Variants in DNAH17 observed in about 807,000 individuals in gnomAD.
DNAH17 encodes axonemal beta dynein heavy chain 17.
In DNAH17, 376 loss-of-function variants were observed where a neutral mutation model predicts 485.6. The ratio of observed to expected loss-of-function variants is 0.77; its 90% CI spans 0.71 to 0.84. The LOEUF (loss-of-function observed/expected upper bound fraction) is 0.84, where lower values mean the gene tolerates loss of function less well. DNAH17 is among the 40% of genes least tolerant of loss of function. The pLI, the probability that DNAH17 is intolerant of heterozygous loss-of-function variation, is 0.00. For synonymous variants in DNAH17, 3,031 were observed against 2,405.9 expected, an observed-to-expected ratio of 1.26 and a Z score of -7.60; for missense variants, 6,370 against 5,839.3, an observed-to-expected ratio of 1.09 and a Z score of -2.96.
Position 78,527,013 on chromosome 17 carries a change from C to A in DNAH17, c.3508-17G>T. 7 of 1,531,456 alleles carry A rather than the reference C, an allele frequency of 4.6e-6. No individual in the cohort carries two copies. The highest frequency in any genetic ancestry group is 6.2e-6 in the Non-Finnish European group (7 of 1,131,182). The allele number at this position is 1,531,456 out of a possible 1,614,324, so 94.9% of individuals were successfully genotyped here. ...CGGCAGCTCCTGCGGGAAGCAAAGGCAGAGGAGGGCTCCTTTCTCATTTCT... is the reference window on the plus strand; with the variant it reads ...CGGCAGCTCCTGCGGGAAGCAAAGGAAGAGGAGGGCTCCTTTCTCATTTCT... On this transcript the variant is annotated splice_polypyrimidine_tract_variant and intron_variant, in intron 22 of 80. Transcript: ENST00000389840.
chr17:78,472,479 G>A (rs936163534), intron 54 of DNAH17, among the ~76,000 whole-genome samples: 2 of 152,172 alleles, frequency 1.3e-5, no homozygotes, highest in Non-Finnish European at 2.9e-5. Flanking sequence ...AGCTGGCGGG[G>A]AGGCGGGGAC....
At chr17:78,452,568 T>C (rs1598472589) in intron 65 of DNAH17, among the ~76,000 whole-genome samples, 1 of 152,238 alleles carries the variant, frequency 6.6e-6, no homozygotes. Context: ...GGAAACCCCG[T>C]CTCTACTAAA....
At chr17:78,426,664 G>A (rs778187057) in intron 78 of DNAH17, 64 bp from the exon 79 acceptor site, 3 of 1,535,300 alleles carry the variant, frequency 2.0e-6, no homozygotes, top group African/African-American at 2.8e-5. Flanking sequence ...ACCAGCCCCA[G>A]TGCGTGTCAT....
chr17:78,428,714 AAGAGGGCAGTTTGTAAGC>A lies in DNAH17; in HGVS notation c.12406-25_12406-8del. 6.2e-7 allele frequency: 1 copy of A among 1,612,884 alleles called. No homozygotes were observed. Among genetic ancestry groups the A allele is most frequent in the Non-Finnish European group, 8.5e-7 (1 of 1,179,064 alleles). On this transcript the variant is annotated splice_polypyrimidine_tract_variant and splice_region_variant and intron_variant, in intron 76 of 80. Transcript: ENST00000389840. ...CGATGTATTCGTGGTAACCCTGAAAAAGAGGGCAGTTTGTAAGCAGAGGCAAAGCTGTGCAGGCTGAAA... is the reference window on the plus strand; with the variant it reads ...CGATGTATTCGTGGTAACCCTGAAAAAGAGGCAAAGCTGTGCAGGCTGAAA...
At chr17:78,439,248 C>G (rs746614554) in intron 72 of DNAH17, 31 bp from the exon 73 acceptor site, 1 of 1,588,286 alleles carries the variant, frequency 6.3e-7, no homozygotes, top group Non-Finnish European at 8.6e-7. Context: ...AAAAAAACAC[C>G]ACGTAATTAA....
chr17:78,496,288 G>C (rs980366889), intron 37 of DNAH17, among the ~76,000 whole-genome samples: 1 of 152,082 alleles, frequency 6.6e-6, no homozygotes, highest in South Asian at 2.1e-4. Context: ...GAGGCTGGAG[G>C]ATGATTTGAG....
intron 56 of DNAH17, 58 bp downstream of exon 56, chr17:78,466,597 G>C (rs1162962975): frequency 6.0e-6 from 9 of 1,492,286 alleles, no homozygotes; most frequent in Non-Finnish European, 7.2e-6. Context: ...GCCAGCCCTT[G>C]GGCCTGTCCT....
At chr17:78,563,761 G>C (rs1049997867) in intron 11 of DNAH17, among the ~76,000 whole-genome samples, 1 of 137,024 alleles carries the variant, frequency 7.3e-6, no homozygotes, top group African/African-American at 3.1e-5. Flanking sequence ...ACAGGCAGGG[G>C]CTGGAAGGGA....
At chr17:78,440,931 G>T in intron 72 of DNAH17, 120 bp downstream of exon 72, 1 of 1,237,658 alleles carries the variant, frequency 8.1e-7, no homozygotes, top group South Asian at 1.4e-5. Context: ...TCCTACCGGC[G>T]TGAAGCCGCG....
Position 78,502,934 on chromosome 17 carries a change from G to T in DNAH17, c.5034C>A (p.Thr1678=). The T allele has an allele frequency of 6.2e-7, 1 of 1,613,978 alleles. No homozygotes were observed. Among genetic ancestry groups the T allele is most frequent in the South Asian group, 1.1e-5 (1 of 91,070 alleles). ...LRHEIPEAVV[T]YEEKPREQWI... is the part of the protein sequence containing the mutation. The stretch of plus-strand genomic sequence containing the variant: ...ACTGCTCCCTCGGCTTCTCTTCGTA[G>T]GTCACCACGGCCTCTGGGATTTCGT... Residue 1678 remains threonine, a synonymous_variant, in exon 32 of 81, where the codon ACC becomes ACA. Transcript: ENST00000389840.
Position 78,454,686 on chromosome 17 carries a change from T to C in DNAH17, c.10190A>G (p.Asn3397Ser). Residue 3397 changes from asparagine (N) to serine (S), a missense_variant, in exon 64 of 81, where the codon AAT becomes AGT. By Grantham distance (46) the Asn-to-Ser change is conservative (BLOSUM62 1). Transcript: ENST00000389840. ...CAGCAGGCTCAAGGGATCCAGGCCATTCGTGATCGGGATGGGGACCTGCCC... is the reference window on the plus strand; with the variant it reads ...CAGCAGGCTCAAGGGATCCAGGCCACTCGTGATCGGGATGGGGACCTGCCC... ...HNLKVPIPIT[N>S]GLDPLSLLTD... is the part of the protein sequence containing the mutation. The C allele has an allele frequency of 6.2e-7, 1 of 1,612,468 alleles. No homozygotes were observed. The highest frequency in any genetic ancestry group is 8.5e-7 in the Non-Finnish European group (1 of 1,179,814).
chr17:78,516,651 C>T lies in DNAH17; in HGVS notation c.3865-1629G>A, dbSNP rs543487956. ...GTTGCAGCGAGTGGACATCACATCA[C>T]TGCACTCCAGCCTGGGCCACAGAGC... On this transcript the variant is annotated intron_variant, in intron 25 of 80. Transcript: ENST00000389840. 7.6e-5 allele frequency among the ~76,000 whole-genome samples: 11 copies of T among 145,240 alleles called. No homozygotes were observed. The East Asian group carries it at 2.2e-3, about 29-fold the overall frequency.
rs750606968 is a variant in DNAH17, at chr17:78,529,569, G to A, written c.3410C>T (p.Ala1137Val). 2 of 1,613,818 alleles carry A rather than the reference G, an allele frequency of 1.2e-6. No homozygotes were observed. The highest frequency in any genetic ancestry group is 1.3e-5 in the African/African-American group (1 of 74,886). ...GHLMKVKERQ[A>V]ATDNMFEPLK... ...GGGCTCAAACATGTTGTCGGTGGCTGCTTGCCTCTCCTTGACTTTCATCAG... is the reference window on the plus strand; with the variant it reads ...GGGCTCAAACATGTTGTCGGTGGCTACTTGCCTCTCCTTGACTTTCATCAG... Residue 1137 changes from alanine to valine, a missense_variant, in exon 22 of 81, where the codon GCA becomes GTA. Transcript: ENST00000389840.
intron 16 of DNAH17, among the ~76,000 whole-genome samples, chr17:78,549,415 T>C (rs896351094): frequency 2.6e-5 from 4 of 152,118 alleles, no homozygotes; most frequent in South Asian, 2.1e-4. Flanking sequence ...GCCCAAGTGT[T>C]TGCCTTCCCT....
chr17:78,501,244 T>C lies in DNAH17; in HGVS notation c.5423A>G (p.Gln1808Arg). Residue 1808 changes from glutamine to arginine, a missense_variant, in exon 35 of 81, where the codon CAG (glutamine) becomes CGG (arginine). Transcript: ENST00000389840. ...GTTGCCCAGATACTCATAGGAATAC[T>C]GGATTTGGGCATCGCAGATGTTGGC... ...CFANICDAQI[Q>R]YSYEYLGNTP... 6.2e-7 allele frequency: 1 copy of C among 1,608,036 alleles called. No individual in the cohort carries two copies. The highest frequency in any genetic ancestry group is 1.1e-5 in the South Asian group (1 of 90,644).
At position 78,570,892 on chromosome 17, in the gene DNAH17, AAAAG is replaced by A. The variant is rs1188991724; in HGVS notation, c.918+52_918+55del. 51 of 958,840 alleles carry A rather than the reference AAAAG, an allele frequency of 5.3e-5. No individual in the cohort carries two copies. The African/African-American group carries it at 9.0e-4, about 17-fold the overall frequency. The allele number at this position is 958,840 out of a possible 1,614,324, so 59.4% of individuals were successfully genotyped here. On this transcript the variant is annotated intron_variant, in intron 6 of 80. Transcript: ENST00000389840. ...AAAAAAAAAAAAGAAAAAAGAAAAG[AAAAG>A]AAAAGAAACAAGACCCTCCCCACCA...
In DNAH17 at chr17:78,537,386, G is replaced by A; in HGVS notation, c.2772C>T (p.Phe924=). ...PTLEVGSDRG[F]LALIEGLVND... Reference sequence around the variant, plus strand: ...TGACCAGGCCCTCGATCAGTGCCAGGAAGCCGCGATCTGAGCCCACCTCCA... The same window carrying A: ...TGACCAGGCCCTCGATCAGTGCCAGAAAGCCGCGATCTGAGCCCACCTCCA... The change falls in exon 19 of 81, where the codon TTC becomes TTT. Residue 924 remains phenylalanine, a synonymous_variant. Coordinates refer to ENST00000389840, the MANE Select transcript of DNAH17 (RefSeq NM_173628.4). 3 of 1,612,926 alleles carry A rather than the reference G, an allele frequency of 1.9e-6. No homozygotes were observed. The highest frequency in any genetic ancestry group is 1.7e-6 in the Non-Finnish European group (2 of 1,179,680).
intron 44 of DNAH17, chr17:78,489,855 G>A (rs1568140942): frequency 6.7e-6 from 1 of 149,500 alleles, no homozygotes; most frequent in Non-Finnish European, 1.5e-5. Context: ...GAGTGGGTGG[G>A]TGGGCGGATG....
chr17:78,504,654 G>A (rs2090425849), intron 31 of DNAH17, among the ~76,000 whole-genome samples: 1 of 152,096 alleles, frequency 6.6e-6, no homozygotes, highest in Admixed American at 6.6e-5. Flanking sequence ...TCAATAGTTG[G>A]GTAATGAGAC....
Sources: gnomAD v4.1 joint callset for allele counts (sites outside exome capture counted in the v4.1 genomes callset) on GRCh38, gnomAD v4.1.1 for gene constraint, MANE v1.5 for transcripts, NCBI Gene and HGNC (gene_info 2026-07-23, HGNC 2026-07-21) for gene names.